The following DYNC2I2 variants were observed in gnomAD, a reference collection of about 807,000 sequenced individuals.
The protein encoded by DYNC2I2 is dynein 2 intermediate chain 2, also known as cytoplasmic dynein 2 intermediate chain 2.
A neutral mutation model predicts 52.0 loss-of-function variants in DYNC2I2; 39 were observed. The observed-to-expected ratio is 0.75, with a 90% CI of 0.58 to 0.98. DYNC2I2 has a LOEUF of 0.98. DYNC2I2 is among the 50% of genes least tolerant of loss of function. The pLI is 0.00. For missense variants in DYNC2I2, 743 were observed against 728.4 expected, an observed-to-expected ratio of 1.02 and a Z score of -0.23; for synonymous variants, 359 against 321.1, an observed-to-expected ratio of 1.12 and a Z score of -1.26.
At chr9:128,671,610 C>T in the DYNC2I2 span, among the ~76,000 whole-genome samples, 1 of 151,364 alleles carries the variant, frequency 6.6e-6, no homozygotes, top group Non-Finnish European at 1.5e-5. Flanking sequence ...GTAGCTGGGA[C>T]TACAGGTGCG....
chr9:128,644,823 C>CT, intron 1 of DYNC2I2, among the ~76,000 whole-genome samples: 1 of 152,368 alleles, frequency 6.6e-6, no homozygotes, highest in South Asian at 2.1e-4. Context: ...TTTGGCAATT[C>CT]TCACACTATT....
chr9:128,672,603 C>T, the DYNC2I2 span, among the ~76,000 whole-genome samples: 1 of 149,846 alleles, frequency 6.7e-6, no homozygotes, highest in Admixed American at 6.7e-5. Context: ...ATCTATGCTT[C>T]TGGGGAGAAA....
the DYNC2I2 span, among the ~76,000 whole-genome samples, chr9:128,667,451 G>A: frequency 2.6e-5 from 4 of 151,586 alleles, no homozygotes; most frequent in East Asian, 2.0e-4. Flanking sequence ...TCAGCCTCCC[G>A]AGTAGCTGGG....
the DYNC2I2 span, among the ~76,000 whole-genome samples, chr9:128,677,526 G>GGC: frequency 1.3e-5 from 2 of 151,900 alleles, no homozygotes; most frequent in African/African-American, 4.8e-5. Flanking sequence ...GCTAGGCACA[G>GGC]TGGCTCATGC....
At chr9:128,659,618 A>T (rs1860895574), upstream of DYNC2I2, among the ~76,000 whole-genome samples, 1 of 151,554 alleles carries the variant, frequency 6.6e-6, no homozygotes, top group South Asian at 2.1e-4. Context: ...AACCTATTTA[A>T]AAAATTAGGG....
the DYNC2I2 span, among the ~76,000 whole-genome samples, chr9:128,666,884 TG>T: frequency 6.6e-6 from 1 of 151,776 alleles, no homozygotes; most frequent in East Asian, 1.9e-4. Context: ...CTGAGCAAAA[TG>T]GCAAAACCCT....
intron 1 of DYNC2I2, among the ~76,000 whole-genome samples, chr9:128,655,034 G>C (rs996509218): frequency 6.6e-6 from 1 of 151,956 alleles, no homozygotes; most frequent in African/African-American, 2.4e-5. Context: ...CCCAACCCTT[G>C]AACCGCTCCT....
the DYNC2I2 span, among the ~76,000 whole-genome samples, chr9:128,673,056 T>C: frequency 6.6e-6 from 1 of 152,134 alleles, no homozygotes; most frequent in African/African-American, 2.4e-5. Flanking sequence ...ACATACTTTT[T>C]CACTTAACAA....
chr9:128,675,323 A>G, the DYNC2I2 span, among the ~76,000 whole-genome samples: 2 of 151,986 alleles, frequency 1.3e-5, no homozygotes, highest in Non-Finnish European at 2.9e-5. Context: ...GATTACAGGC[A>G]TGCACCACCA....
intron 8 of DYNC2I2, 37 bp from the exon 9 acceptor site, chr9:128,634,019 T>A: frequency 1.2e-6 from 2 of 1,607,304 alleles, no homozygotes; most frequent in Non-Finnish European, 1.7e-6. Context: ...TAAGAGAAAC[T>A]CTAGAGACCA....
chr9:128,682,579 A>G, the DYNC2I2 span, among the ~76,000 whole-genome samples: 1 of 149,862 alleles, frequency 6.7e-6, no homozygotes, highest in Non-Finnish European at 1.5e-5. Flanking sequence ...CAGGAGGCTG[A>G]GGTGGGAGGA....
chr9:128,664,418 AT>A, the DYNC2I2 span, among the ~76,000 whole-genome samples: 1 of 152,060 alleles, frequency 6.6e-6, no homozygotes, highest in Non-Finnish European at 1.5e-5. Context: ...CTCTATAAGT[AT>A]TGTTTAAATG....
chr9:128,636,302 T>C lies in DYNC2I2; in HGVS notation c.682A>G (p.Thr228Ala), dbSNP rs1157658654. The change falls in exon 4 of 9, where the codon ACG (threonine) becomes GCG (alanine). Residue 228 changes from threonine (T) to alanine (A), a missense_variant. Physicochemically the swap from Thr to Ala is moderately conservative, Grantham distance 58 (BLOSUM62 0). Coordinates refer to ENST00000372715, the MANE Select transcript of DYNC2I2 (RefSeq NM_052844.4). Reference sequence around the variant, plus strand: ...TCACCTGCGACGTGGGAGGGCTGCGTGGGGTGGAAGGCCAGACACAGGACA... The same window carrying C: ...TCACCTGCGACGTGGGAGGGCTGCGCGGGGTGGAAGGCCAGACACAGGACA... ...SAVLCLAFHPTQPSHVAGGLY... is the reference protein window; with the variant it reads ...SAVLCLAFHPAQPSHVAGGLY... The C allele has an allele frequency of 6.3e-7, 1 of 1,581,374 alleles. No homozygotes were observed. Among genetic ancestry groups the C allele is most frequent in the African/African-American group, 1.3e-5 (1 of 74,298 alleles).
At chr9:128,669,930 C>T in the DYNC2I2 span, among the ~76,000 whole-genome samples, 23 of 152,136 alleles carry the variant, frequency 1.5e-4, no homozygotes, top group Non-Finnish European at 1.6e-4. Context: ...CCGCCAGTCT[C>T]GGCCTCCCAC....
Position 128,640,765 on chromosome 9 carries a change from G to A in DYNC2I2, c.361C>T (p.Arg121Ter), listed in dbSNP as rs371188707. 1.7e-5 allele frequency: 27 copies of A among 1,614,038 alleles called. No individual in the cohort carries two copies. Among genetic ancestry groups the A allele is most frequent in the African/African-American group, 1.1e-4 (8 of 74,912 alleles). ...FLRRVEAMVIRELNKNWQSHA... is the reference protein window; with the variant it reads ...FLRRVEAMVI ...CTCTGCCAATTCTTGTTCAGCTCTCGGATGACCATGGCCTCCACTCTCCGA... is the reference window on the plus strand; with the variant it reads ...CTCTGCCAATTCTTGTTCAGCTCTCAGATGACCATGGCCTCCACTCTCCGA... The change falls in exon 2 of 9, where the codon CGA becomes TGA. Residue 121 changes from arginine to a stop codon, truncating the protein, a stop_gained. Coordinates refer to ENST00000372715, the MANE Select transcript of DYNC2I2 (RefSeq NM_052844.4). LOFTEE classifies it high-confidence loss of function.
At chr9:128,634,081 C>A in intron 8 of DYNC2I2, 99 bp from the exon 9 acceptor site, 1 of 1,553,382 alleles carries the variant, frequency 6.4e-7, no homozygotes, top group Non-Finnish European at 8.8e-7. Context: ...TTGTGTGCAG[C>A]CACAGTGGCT....
chr9:128,638,006 G>T (rs1589430591), intron 2 of DYNC2I2, among the ~76,000 whole-genome samples: 2 of 152,134 alleles, frequency 1.3e-5, no homozygotes, highest in East Asian at 3.9e-4. Flanking sequence ...GGAGGCTGAG[G>T]CAGGAGGATA....
the DYNC2I2 span, among the ~76,000 whole-genome samples, chr9:128,669,881 A>G: frequency 2.0e-5 from 3 of 152,068 alleles, no homozygotes; most frequent in South Asian, 2.1e-4. Flanking sequence ...GGGTTTCACT[A>G]TGTTGCTGAG....
intron 1 of DYNC2I2, among the ~76,000 whole-genome samples, chr9:128,655,341 A>T (rs1382123234): frequency 1.6e-5 from 2 of 123,516 alleles, no homozygotes; most frequent in Non-Finnish European, 3.5e-5. Context: ...CTACTAAAAA[A>T]AAAAAAAAAA....
Sources: gnomAD v4.1 joint callset for allele counts (sites outside exome capture counted in the v4.1 genomes callset) on GRCh38, gnomAD v4.1.1 for gene constraint, MANE v1.5 for transcripts, NCBI Gene and HGNC (gene_info 2026-07-23, HGNC 2026-07-21) for gene names.